MTR: variants seen among roughly 807,000 people sequenced by gnomAD.
MTR encodes methionine synthase.
In MTR, 84 loss-of-function variants were observed where a neutral mutation model predicts 154.8. That is an observed-to-expected ratio of 0.54 (90% CI 0.45 to 0.65). The LOEUF (loss-of-function observed/expected upper bound fraction) is 0.65, where lower values mean the gene tolerates loss of function less well. Among genes scored for constraint, MTR ranks in the 30% least tolerant of loss-of-function variants. The pLI, the probability that MTR is intolerant of heterozygous loss-of-function variation, is 0.00. For missense variants in MTR, 1,275 were observed against 1,570.2 expected, an observed-to-expected ratio of 0.81 and a Z score of 3.18; for synonymous variants, 554 against 553.9, an observed-to-expected ratio of 1.00 and a Z score of 0.00.
intron 5 of MTR, among the ~76,000 whole-genome samples, chr1:236,812,447 TG>T (rs1661358974): frequency 1.3e-5 from 2 of 152,318 alleles, no homozygotes; most frequent in South Asian, 2.1e-4. Flanking sequence ...AGATGTTGAA[TG>T]GGGGGTACAT....
At chr1:236,830,882 T>C (rs1187245655) in intron 12 of MTR, among the ~76,000 whole-genome samples, 1 of 152,234 alleles carries the variant, frequency 6.6e-6, no homozygotes, top group East Asian at 1.9e-4. Context: ...TGACCCAGTT[T>C]ATAGTCATTA....
Position 236,832,072 on chromosome 1 carries a change from CTA to C in MTR, c.1184_1185del (p.Tyr395Ter). On this transcript the variant is annotated frameshift_variant, in exon 13 of 33. Coordinates refer to ENST00000366577, the MANE Select transcript of MTR (RefSeq NM_000254.3). LOFTEE classifies it high-confidence loss of function. The part of the protein sequence containing the change: ...KFAKLIMAGN[Y>X]EEALCVAKVQ... ...TTGCTAAACTCATCATGGCAGGAAA[CTA>C]TGAAGTGAGCATCTTAATAAGACCC... 6.2e-7 allele frequency: 1 copy of C among 1,612,264 alleles called. No homozygotes were observed. Among genetic ancestry groups the C allele is most frequent in the Non-Finnish European group, 8.5e-7 (1 of 1,178,350 alleles).
Position 236,810,548 on chromosome 1 carries a change from C to T in MTR, c.455C>T (p.Thr152Ile). 1.2e-6 allele frequency: 2 copies of T among 1,613,884 alleles called. No individual in the cohort carries two copies. Among genetic ancestry groups the T allele is most frequent in the Non-Finnish European group, 8.5e-7 (1 of 1,179,842 alleles). The change falls in exon 5 of 33, where the codon ACA becomes ATA. Residue 152 changes from threonine (T) to isoleucine (I), a missense_variant. By Grantham distance (89) the Thr-to-Ile change is moderately conservative. Transcript: ENST00000366577. ...VAGALGPTNK[T>I]LSVSPSVERP... ...GGGGCTCTGGGTCCGACTAATAAGA[C>T]ACTCTCTGTGTCCCCATCTGTGGAA...
chr1:236,897,470 C>T (rs1666728563), intron 32 of MTR, 88 bp from the exon 33 acceptor site: 4 of 1,218,402 alleles, frequency 3.3e-6, no homozygotes, highest in Non-Finnish European at 4.9e-6. Context: ...ATGCAAGGTA[C>T]TTAATGTTTC....
intron 18 of MTR, among the ~76,000 whole-genome samples, chr1:236,853,763 G>C (rs1664049097): frequency 1.3e-5 from 2 of 152,292 alleles, no homozygotes; most frequent in Admixed American, 6.5e-5. Context: ...CTGTGGCAAA[G>C]TTCTGCAGTT....
intron 7 of MTR, among the ~76,000 whole-genome samples, chr1:236,815,903 A>C (rs899770519): frequency 6.6e-6 from 1 of 152,166 alleles, no homozygotes; most frequent in Non-Finnish European, 1.5e-5. Context: ...AAAGAAGCCC[A>C]CTGTATTGGT....
chr1:236,855,473 G>A (rs1664149560), intron 18 of MTR, among the ~76,000 whole-genome samples: 2 of 152,196 alleles, frequency 1.3e-5, no homozygotes, highest in African/African-American at 4.8e-5. Flanking sequence ...CTCCTATGGA[G>A]TGGAAGGATT....
chr1:236,890,763 C>T (rs1666273719), intron 28 of MTR, among the ~76,000 whole-genome samples: 1 of 152,218 alleles, frequency 6.6e-6, no homozygotes, highest in Admixed American at 6.5e-5. Flanking sequence ...CCAGAGGTCA[C>T]TGCAAAGTCA....
chr1:236,800,451 A>G (rs892055330), intron 1 of MTR: 12 of 985,324 alleles, frequency 1.2e-5, no homozygotes, highest in Non-Finnish European at 1.4e-5. Flanking sequence ...TCCTTTTGAG[A>G]AGAAAGCGAT....
intron 28 of MTR, among the ~76,000 whole-genome samples, chr1:236,890,673 G>A (rs1043057877): frequency 1.3e-5 from 2 of 152,164 alleles, no homozygotes; most frequent in Admixed American, 1.3e-4. Flanking sequence ...AGGTTGTTAC[G>A]GTCAAAATGT....
intron 15 of MTR, among the ~76,000 whole-genome samples, chr1:236,848,389 A>G (rs1449378594): frequency 6.6e-6 from 1 of 152,150 alleles, no homozygotes; most frequent in Non-Finnish European, 1.5e-5. Flanking sequence ...TACTAGTAGC[A>G]TTGGTCGCCC....
chr1:236,809,080 C>G (rs1445692157), intron 4 of MTR, among the ~76,000 whole-genome samples: 7 of 152,198 alleles, frequency 4.6e-5, no homozygotes, highest in African/African-American at 1.7e-4. Context: ...ATTTATGTCT[C>G]TTTGGAAGCA....
At chr1:236,850,285 T>A (rs1192065336) in intron 15 of MTR, 59 bp from the exon 16 acceptor site, 1 of 1,146,374 alleles carries the variant, frequency 8.7e-7, no homozygotes, top group African/African-American at 1.6e-5. Context: ...GTATTTAATA[T>A]TAATATTTTA....
chr1:236,885,097 T>C (rs767546454), intron 25 of MTR, 24 bp from the exon 26 acceptor site: 1 of 1,447,998 alleles, frequency 6.9e-7, no homozygotes, highest in Non-Finnish European at 9.7e-7. Flanking sequence ...CTTTTGCTCA[T>C]CTATGGCTAT....
intron 25 of MTR, among the ~76,000 whole-genome samples, chr1:236,881,862 G>A (rs1665754446): frequency 6.6e-6 from 1 of 152,100 alleles, no homozygotes; most frequent in Non-Finnish European, 1.5e-5. Context: ...TCATGATATA[G>A]GTATTTTTTG....
intron 8 of MTR, chr1:236,819,594 G>T (rs1221038289): frequency 4.6e-6 from 2 of 434,656 alleles, no homozygotes; most frequent in Non-Finnish European, 4.3e-6. Flanking sequence ...TCCATCCGGC[G>T]TTGTTCTGGA....
intron 15 of MTR, among the ~76,000 whole-genome samples, chr1:236,850,014 A>C (rs1663806570): frequency 6.6e-6 from 1 of 152,170 alleles, no homozygotes; most frequent in Non-Finnish European, 1.5e-5. Flanking sequence ...AAGCTTTTTC[A>C]TAATATACCA....
chr1:236,896,847 C>T (rs978365641), intron 31 of MTR, among the ~76,000 whole-genome samples, 159 bp from the exon 32 acceptor site: 6 of 152,196 alleles, frequency 3.9e-5, no homozygotes. Context: ...TGCTAGACTT[C>T]TCTGATCACA....
intron 21 of MTR, among the ~76,000 whole-genome samples, chr1:236,862,836 A>G (rs1330851672): frequency 6.6e-6 from 1 of 152,090 alleles, no homozygotes; most frequent in Non-Finnish European, 1.5e-5. Flanking sequence ...AAGCTTTTTG[A>G]CCTTGTTTAG....
Sources: allele counts gnomAD v4.1 joint callset (sites outside exome capture counted in the v4.1 genomes callset), GRCh38; gene constraint gnomAD v4.1.1; transcripts MANE v1.5; gene names NCBI Gene and HGNC (gene_info 2026-07-23, HGNC 2026-07-21).